Variants in PCDHGA11 observed in about 807,000 individuals in gnomAD.
PCDHGA11 encodes protocadherin gamma subfamily A, 11.
In PCDHGA11, 39 loss-of-function variants were observed where a neutral mutation model predicts 60.4. The observed-to-expected ratio is 0.65, with a 90% confidence interval of 0.50 to 0.84. The LOEUF is 0.84. PCDHGA11 is among the 40% of genes least tolerant of loss of function. PCDHGA11 has a pLI of 0.00. For synonymous variants in PCDHGA11, 533 were observed against 510.3 expected (o/e 1.04, Z -0.60); for missense variants, 1,165 against 1,197.7 (o/e 0.97, Z 0.40).
rs2099691833 is a variant in PCDHGA11, at chr5:141,489,761, C to A, written c.2434-5046C>A. 8.1e-6 allele frequency: 13 copies of A among 1,614,102 alleles called. No individual in the cohort carries two copies. The highest frequency in any genetic ancestry group is 1.1e-5 in the Non-Finnish European group (13 of 1,179,962). ...ACTGTGAGCTTTTACACTCTAAGCCCCAACAGCCACTTCTCTCTGAATGTG... is the reference window on the plus strand; with the variant it reads ...ACTGTGAGCTTTTACACTCTAAGCCACAACAGCCACTTCTCTCTGAATGTG... On this transcript the variant is annotated intron_variant, in intron 1 of 3. Coordinates refer to ENST00000398587, the MANE Select transcript of PCDHGA11 (RefSeq NM_018914.3). The surrounding 1 kb of genome is among the most constrained non-coding windows in gnomAD (Gnocchi z 4.5).
chr5:141,473,029 G>A (rs62379204), intron 1 of PCDHGA11, among the ~76,000 whole-genome samples: 15,982 of 147,800 alleles, frequency 0.11, 873 homozygotes, highest in South Asian at 0.15. Flanking sequence ...AAGGAAGGAA[G>A]GAAGGAAAGA....
intron 1 of PCDHGA11, among the ~76,000 whole-genome samples, chr5:141,463,049 T>C (rs529642816): frequency 3.9e-4 from 60 of 152,326 alleles, no homozygotes; most frequent in African/African-American, 1.3e-3. Context: ...CAGCAGGGTC[T>C]CTTTATTATG....
At chr5:141,494,171 G>A (rs72790068) in intron 1 of PCDHGA11, among the ~76,000 whole-genome samples, 9,520 of 152,240 alleles carry the variant, frequency 0.063, 348 homozygotes, top group South Asian at 0.11. Flanking sequence ...TTCTAGGGGT[G>A]AGAAGTGTCC....
chr5:141,462,183 C>A (rs1439465872), intron 1 of PCDHGA11, among the ~76,000 whole-genome samples: 1 of 152,158 alleles, frequency 6.6e-6, no homozygotes. Flanking sequence ...TGGTCTTGAA[C>A]TCCTGACCTC....
At chr5:141,505,028 G>A (rs2099842951) in intron 2 of PCDHGA11, among the ~76,000 whole-genome samples, 1 of 152,164 alleles carries the variant, frequency 6.6e-6, no homozygotes, top group Admixed American at 6.5e-5. Flanking sequence ...CTGGCACAGT[G>A]GCAGGTGCCT....
Position 141,476,657 on chromosome 5 carries a change from G to A in PCDHGA11, c.2434-18150G>A, listed in dbSNP as rs759887729. On this transcript the variant is annotated intron_variant, in intron 1 of 3. Coordinates refer to ENST00000398587, the MANE Select transcript of PCDHGA11 (RefSeq NM_018914.3). This position sits in a 1 kb window ranked among gnomAD's most constrained non-coding sequence, Gnocchi z 7.6. ...TGAGCTGAGCCGAAATGAATACTTTGCGCTTCGCGTGCAGACGCGGGAGGA... is the reference window on the plus strand; with the variant it reads ...TGAGCTGAGCCGAAATGAATACTTTACGCTTCGCGTGCAGACGCGGGAGGA... 1.9e-6 allele frequency: 3 copies of A among 1,614,140 alleles called. No homozygotes were observed. Among genetic ancestry groups the A allele is most frequent in the Non-Finnish European group, 2.5e-6 (3 of 1,180,060 alleles).
chr5:141,472,980 C>CAAAAAAAAAAAAAAAAAAGAAAAAAAA (rs60579131), intron 1 of PCDHGA11, among the ~76,000 whole-genome samples: 1 of 86,106 alleles, frequency 1.2e-5, no homozygotes, highest in Non-Finnish European at 2.5e-5. Flanking sequence ...GAGTGAAACT[C>CAAAAAAAAAAAAAAAAAAGAAAAAAAA]AAAAAAAAAA....
At chr5:141,502,621 A>G (rs918589202) in intron 2 of PCDHGA11, among the ~76,000 whole-genome samples, 3 of 152,162 alleles carry the variant, frequency 2.0e-5, no homozygotes, top group African/African-American at 7.2e-5. Context: ...AAATATAAGT[A>G]ATCTGTGGAT....
chr5:141,428,156 C>G, intron 1 of PCDHGA11: 2 of 1,579,884 alleles, frequency 1.3e-6, no homozygotes, highest in Non-Finnish European at 1.7e-6. Flanking sequence ...CGGGAACCTG[C>G]TGGTTGCTGT....
At position 141,430,782 on chromosome 5, in the gene PCDHGA11, G is replaced by C. The variant is rs1220976669; in HGVS notation, c.2433+7122G>C. 2.0e-6 allele frequency: 3 copies of C among 1,510,858 alleles called. No individual in the cohort carries two copies. The East Asian group carries it at 6.9e-5, about 35-fold the overall frequency. 93.6% of individuals were successfully genotyped at this position (1,510,858 alleles called of 1,614,324 possible). A position where few individuals can be genotyped will look rare whatever the true frequency, so the allele number is the denominator to read the frequency against. ...AGAATGATTCCTGCGCGACTGCACC[G>C]GGACTACAAAGGGCTTGTCCTGCTG... On this transcript the variant is annotated intron_variant, in intron 1 of 3. Coordinates refer to ENST00000398587, the MANE Select transcript of PCDHGA11 (RefSeq NM_018914.3).
At chr5:141,474,772 G>T (rs1053853138) in intron 1 of PCDHGA11, among the ~76,000 whole-genome samples, 1 of 152,182 alleles carries the variant, frequency 6.6e-6, no homozygotes, top group Non-Finnish European at 1.5e-5. Context: ...AATAGTATGA[G>T]GCTCTAACAC....
At chr5:141,457,448 A>G (rs1296079061) in intron 1 of PCDHGA11, among the ~76,000 whole-genome samples, 2 of 152,196 alleles carry the variant, frequency 1.3e-5, no homozygotes, top group Non-Finnish European at 2.9e-5. Flanking sequence ...GCAGAAGATC[A>G]CCACTTGATT....
chr5:141,423,758 G>GGT (rs138224377), intron 1 of PCDHGA11, 98 bp downstream of exon 1: 10 of 366,772 alleles, frequency 2.7e-5, no homozygotes, highest in Non-Finnish European at 1.5e-5. Flanking sequence ...TTTGGGGGGG[G>GGT]GGTGGGGCGG....
Position 141,421,308 on chromosome 5 carries a change from C to T in PCDHGA11, c.81C>T (p.Phe27=). The change falls in exon 1 of 4, where the codon TTC becomes TTT. Residue 27 remains phenylalanine, a synonymous_variant. Coordinates refer to ENST00000398587, the MANE Select transcript of PCDHGA11 (RefSeq NM_018914.3). ...TTTTCCTGGGGACGCTGCGGGGGTT[C>T]CGGGCCAGGCAGATCCGATATTCGG... ...LCIFLGTLRG[F]RARQIRYSVP... 6.2e-7 allele frequency: 1 copy of T among 1,613,678 alleles called. No individual in the cohort carries two copies. The highest frequency in any genetic ancestry group is 8.5e-7 in the Non-Finnish European group (1 of 1,179,848).
intron 1 of PCDHGA11, chr5:141,430,769 G>T: frequency 6.6e-7 from 1 of 1,508,212 alleles, no homozygotes; most frequent in Non-Finnish European, 8.9e-7. Context: ...AATGATTCCT[G>T]CGCGACTGCA....
At chr5:141,498,372 C>A (rs1008996197) in intron 2 of PCDHGA11, among the ~76,000 whole-genome samples, 3 of 151,730 alleles carry the variant, frequency 2.0e-5, no homozygotes, top group Admixed American at 1.3e-4. Flanking sequence ...GTGGTGAGGC[C>A]TCCTGGGATC....
At position 141,421,849 on chromosome 5, in the gene PCDHGA11, G is replaced by C; in HGVS notation, c.622G>C (p.Ala208Pro). The C allele has an allele frequency of 2.5e-6, 4 of 1,613,766 alleles. No homozygotes were observed. The highest frequency in any genetic ancestry group is 3.4e-6 in the Non-Finnish European group (4 of 1,179,886). Residue 208 changes from alanine (A) to proline (P), a missense_variant, in exon 1 of 4, where the codon GCT (alanine) becomes CCT (proline). By Grantham distance (27) the Ala-to-Pro change is conservative (BLOSUM62 -1). Coordinates refer to ENST00000398587, the MANE Select transcript of PCDHGA11 (RefSeq NM_018914.3). ...EGSLDREKEA[A>P]HLLLLTALDG... The stretch of plus-strand genomic sequence containing the variant: ...AAGCCTGGACCGAGAGAAAGAGGCT[G>C]CTCACCTGCTCCTCCTCACAGCTTT...
At chr5:141,423,772 A>G (rs767998260) in intron 1 of PCDHGA11, 112 bp downstream of exon 1, 39 of 1,219,850 alleles carry the variant, frequency 3.2e-5, no homozygotes, top group East Asian at 1.6e-4. Context: ...GGGGCGGCAT[A>G]TATTTAGTTC....
At chr5:141,482,338 T>C (rs2099556539) in intron 1 of PCDHGA11, among the ~76,000 whole-genome samples, 1 of 152,156 alleles carries the variant, frequency 6.6e-6, no homozygotes, top group African/African-American at 2.4e-5. Context: ...ATATCTACTT[T>C]GCAAACTTGT....
Sources: allele counts gnomAD v4.1 joint callset (sites outside exome capture counted in the v4.1 genomes callset), GRCh38; gene constraint gnomAD v4.1.1; non-coding constraint Gnocchi (gnomAD v3.1); transcripts MANE v1.5; gene names NCBI Gene and HGNC (gene_info 2026-07-23, HGNC 2026-07-21).